ITSN2: variants seen among roughly 807,000 people sequenced by gnomAD.
The protein encoded by ITSN2 is intersectin-2.
ITSN2 carries 156 observed loss-of-function variants against 243.7 expected under a neutral mutation model. The observed-to-expected ratio is 0.64, with a 90% CI of 0.56 to 0.73. ITSN2 has a LOEUF of 0.73. Ranked by LOEUF, ITSN2 falls within the 30% of genes least tolerant of loss-of-function variation. The pLI is 0.00. For missense variants in ITSN2, 1,801 were observed against 1,996.1 expected (o/e 0.90, Z 1.86); for synonymous variants, 703 against 699.9 (o/e 1.00, Z -0.07).
chr2:24,360,900 C>G (rs1688937185), upstream of ITSN2, among the ~76,000 whole-genome samples: 2 of 152,212 alleles, frequency 1.3e-5, no homozygotes, highest in Non-Finnish European at 2.9e-5. Flanking sequence ...CCTGTTGCAC[C>G]CACCACGGGG....
rs1310586984 is a variant in ITSN2, at chr2:24,204,642, GC to G, written c.4763-225del. On this transcript the variant is annotated intron_variant, in intron 38 of 39. Transcript: ENST00000355123. The surrounding 1 kb of genome is among the most constrained non-coding windows in gnomAD (Gnocchi z 5.1). ...CTGGGGAGTGGCCGAGAGCTCCACCGCCAGGACCACTCCGCACGGAACAATC... is the reference window on the plus strand; with the variant it reads ...CTGGGGAGTGGCCGAGAGCTCCACCGCAGGACCACTCCGCACGGAACAATC... 8.1e-5 allele frequency: 52 copies of G among 640,722 alleles called. No individual in the cohort carries two copies. The African/African-American group carries it at 8.4e-4, about 10-fold the overall frequency. 39.7% of individuals were successfully genotyped at this position (640,722 alleles called of 1,614,324 possible).
In ITSN2 at chr2:24,312,127, T is replaced by C. The variant is rs1436966053; in HGVS notation, c.352+85A>G. ...GAATCTGGGGACTGTCATTTTGTGCTAACAAATCCTTTTCTAATACTCAAA... is the reference window on the plus strand; with the variant it reads ...GAATCTGGGGACTGTCATTTTGTGCCAACAAATCCTTTTCTAATACTCAAA... On this transcript the variant is annotated intron_variant, in intron 5 of 39. Transcript: ENST00000355123. 8.8e-6 allele frequency: 10 copies of C among 1,133,008 alleles called. No individual in the cohort carries two copies. In the East Asian group the frequency reaches 2.6e-4, roughly 30 times the overall value. The allele number at this position is 1,133,008 out of a possible 1,614,324, so 70.2% of individuals were successfully genotyped here. A position where few individuals can be genotyped will look rare whatever the true frequency, so the allele number is the denominator to read the frequency against.
At chr2:24,317,574 G>T (rs1370417755) in intron 2 of ITSN2, among the ~76,000 whole-genome samples, 7 of 152,246 alleles carry the variant, frequency 4.6e-5, no homozygotes. Context: ...GACATGGGCA[G>T]AACCTGGATT....
At chr2:24,287,074 C>T (rs1679601018) in intron 15 of ITSN2, among the ~76,000 whole-genome samples, 1 of 152,092 alleles carries the variant, frequency 6.6e-6, no homozygotes, top group Non-Finnish European at 1.5e-5. Context: ...AATTAAAACA[C>T]CTCCATTTCA....
chr2:24,234,167 G>T (rs1390392780), intron 29 of ITSN2, among the ~76,000 whole-genome samples: 1 of 151,308 alleles, frequency 6.6e-6, no homozygotes, highest in Non-Finnish European at 1.5e-5. Flanking sequence ...CCCAGAAATA[G>T]ACCCATATAA....
Position 24,202,980 on chromosome 2 carries a change from A to G in ITSN2, c.*646T>C, listed in dbSNP as rs866151111. On this transcript the variant is annotated 3_prime_UTR_variant, in exon 40 of 40. Coordinates refer to ENST00000355123, the MANE Select transcript of ITSN2 (RefSeq NM_006277.3). ...CAATGAATTTACATAAATAATTTAT[A>G]CTTCAGAAAATTAAAGTTGAAAAAT... The G allele has an allele frequency of 1.3e-5, 2 of 152,656 alleles. No individual in the cohort carries two copies. The highest frequency in any genetic ancestry group is 1.5e-5 in the Non-Finnish European group (1 of 68,042). 9.5% of individuals were successfully genotyped at this position (152,656 alleles called of 1,614,324 possible). A position where few individuals can be genotyped will look rare whatever the true frequency, so the allele number is the denominator to read the frequency against.
chr2:24,283,345 T>A (rs1679065708), intron 17 of ITSN2, among the ~76,000 whole-genome samples: 1 of 152,104 alleles, frequency 6.6e-6, no homozygotes, highest in African/African-American at 2.4e-5. Context: ...CCGTCTCAGC[T>A]TCCTGAGTAG....
chr2:24,203,549 G>GCC lies in ITSN2; in HGVS notation c.*75_*76dup. 1 of 1,451,624 alleles carries GCC rather than the reference G, an allele frequency of 6.9e-7. No individual in the cohort carries two copies. The highest frequency in any genetic ancestry group is 9.3e-7 in the Non-Finnish European group (1 of 1,074,968). The allele number at this position is 1,451,624 out of a possible 1,614,324, so 89.9% of individuals were successfully genotyped here. A position where few individuals can be genotyped will look rare whatever the true frequency, so the allele number is the denominator to read the frequency against. ...GGTGAAGCTGCATGGTGCTCCCTCA[G>GCC]CCCCAAGAGAGCGCAGTCTCTCATT... On this transcript the variant is annotated 3_prime_UTR_variant, in exon 40 of 40. Coordinates refer to ENST00000355123, the MANE Select transcript of ITSN2 (RefSeq NM_006277.3).
In ITSN2 at chr2:24,211,817, T is replaced by A. The variant is rs904889608; in HGVS notation, c.4089+833A>T. Among the ~76,000 whole-genome samples the A allele has an allele frequency of 1.1e-4, 17 of 152,206 alleles. No individual in the cohort carries two copies. The highest frequency in any genetic ancestry group is 4.1e-4 in the African/African-American group (17 of 41,452). On this transcript the variant is annotated intron_variant, in intron 33 of 39. Transcript: ENST00000355123. The surrounding 1 kb of genome is among the most constrained non-coding windows in gnomAD (Gnocchi z 4.1). The stretch of plus-strand genomic sequence containing the variant: ...CTCAGTTGAGGAGTCATATATTATA[T>A]GGTATTTGAGCTACATTCCGAATTC...
At position 24,313,499 on chromosome 2, in the gene ITSN2, A is replaced by G. The variant is rs777533726; in HGVS notation, c.149T>C (p.Leu50Pro). Residue 50 changes from leucine to proline, a missense_variant, in exon 4 of 40, where the codon CTA becomes CCA. Leu to Pro is a moderately conservative substitution (Grantham distance 98). This residue lies in a region of ITSN2 where 77 missense variants were observed against 90.1 expected (regional missense o/e 0.85). Coordinates refer to ENST00000355123, the MANE Select transcript of ITSN2 (RefSeq NM_006277.3). Reference sequence around the variant, plus strand: ...AACAGGGGCCGGCAGACCTGATTGTAGGAAAAAATTACGTGCTTGATCACC... The same window carrying G: ...AACAGGGGCCGGCAGACCTGATTGTGGGAAAAAATTACGTGCTTGATCACC... ...ITGDQARNFF[L>P]QSGLPAPVLA... 1.9e-6 allele frequency: 3 copies of G among 1,613,574 alleles called. No homozygotes were observed. Among genetic ancestry groups the G allele is most frequent in the South Asian group, 1.1e-5 (1 of 90,998 alleles).
Position 24,215,811 on chromosome 2 carries a change from T to TA in ITSN2, c.3990+237dup, listed in dbSNP as rs369946274. ...AAAGTAGCTGATAAGTAAGTATGCT[T>TA]AAAAAAAAACACTCTGCTATCAGAT... On this transcript the variant is annotated intron_variant, in intron 32 of 39. Coordinates refer to ENST00000355123, the MANE Select transcript of ITSN2 (RefSeq NM_006277.3). 2.4e-3 allele frequency among the ~76,000 whole-genome samples: 368 copies of TA among 151,162 alleles called. 1 individual carries two copies. The highest frequency in any genetic ancestry group is 8.3e-3 in the African/African-American group (341 of 41,172).
intron 37 of ITSN2, among the ~76,000 whole-genome samples, chr2:24,207,414 T>C (rs1352434053): frequency 6.6e-6 from 1 of 151,876 alleles, no homozygotes; most frequent in Non-Finnish European, 1.5e-5. Flanking sequence ...AGGCTGGTGG[T>C]CCCTTGGGAA....
Position 24,286,179 on chromosome 2 carries a change from T to A in ITSN2, c.1863+33A>T, listed in dbSNP as rs749855134. ...AAAATAATGAAGGTAAGAAGGCAGTTACCTAAAAATAAATAGTATCAAAAA... is the reference window on the plus strand; with the variant it reads ...AAAATAATGAAGGTAAGAAGGCAGTAACCTAAAAATAAATAGTATCAAAAA... On this transcript the variant is annotated intron_variant, in intron 16 of 39. Coordinates refer to ENST00000355123, the MANE Select transcript of ITSN2 (RefSeq NM_006277.3). 15 of 1,335,158 alleles carry A rather than the reference T, an allele frequency of 1.1e-5. No homozygotes were observed. The Middle Eastern group carries it at 1.3e-3, about 119-fold the overall frequency. The allele number at this position is 1,335,158 out of a possible 1,614,324, so 82.7% of individuals were successfully genotyped here. A position where few individuals can be genotyped will look rare whatever the true frequency, so the allele number is the denominator to read the frequency against.
At position 24,302,243 on chromosome 2, in the gene ITSN2, A is replaced by G. The variant is rs551089942; in HGVS notation, c.858-141T>C. 37 of 388,872 alleles carry G rather than the reference A, an allele frequency of 9.5e-5. No individual in the cohort carries two copies. In the Admixed American group the frequency reaches 1.6e-3, roughly 17 times the overall value. The allele number at this position is 388,872 out of a possible 1,614,324, so 24.1% of individuals were successfully genotyped here. A position where few individuals can be genotyped will look rare whatever the true frequency, so the allele number is the denominator to read the frequency against. Reference sequence around the variant, plus strand: ...AGATGGAGTCTAGCTCTGTCGCTCAACCTGGAGTGCAGTGGCGCGATCTCA... The same window carrying G: ...AGATGGAGTCTAGCTCTGTCGCTCAGCCTGGAGTGCAGTGGCGCGATCTCA... On this transcript the variant is annotated intron_variant, in intron 9 of 39. Coordinates refer to ENST00000355123, the MANE Select transcript of ITSN2 (RefSeq NM_006277.3).
chr2:24,206,649 G>A (rs116344507), intron 37 of ITSN2, among the ~76,000 whole-genome samples: 2,138 of 152,270 alleles, frequency 0.014, 27 homozygotes, highest in Non-Finnish European at 0.023. Context: ...GAACACAGAG[G>A]ACATCACCGG....
rs1300168813 is a variant in ITSN2, at chr2:24,205,231, T to TTTAA, written c.4741_4744dup (p.Lys1582IlefsTer15). ...GTATTTACCATTTGGTTTGCAGGCT[T>TTTAA]TTAATTCTGTAGCTTCAATGACATG... On this transcript the variant is annotated frameshift_variant, in exon 38 of 40. Transcript: ENST00000355123. LOFTEE classifies it high-confidence loss of function. 3.1e-6 allele frequency: 5 copies of TTTAA among 1,613,924 alleles called. No homozygotes were observed. Among genetic ancestry groups the TTTAA allele is most frequent in the Admixed American group, 3.3e-5 (2 of 60,022 alleles).
At chr2:24,337,315 A>AATATATATATATACACATATAT (rs1278959952) in intron 1 of ITSN2, among the ~76,000 whole-genome samples, 3 of 32,020 alleles carry the variant, frequency 9.4e-5, no homozygotes, top group Non-Finnish European at 1.7e-4. Context: ...GTATACACAA[A>AATATATATATATACACATATAT]ATATATATAT....
chr2:24,251,192 G>T (rs867836773), intron 25 of ITSN2, among the ~76,000 whole-genome samples: 1 of 149,132 alleles, frequency 6.7e-6, no homozygotes, highest in African/African-American at 2.5e-5. Flanking sequence ...AGGCATGGTA[G>T]CGGATGGCTG....
At chr2:24,256,263 C>A (rs1023833011) in intron 23 of ITSN2, among the ~76,000 whole-genome samples, 1 of 152,152 alleles carries the variant, frequency 6.6e-6, no homozygotes, top group African/African-American at 2.4e-5. Flanking sequence ...CCATGTCAGG[C>A]TGAAAAGCAA....
Sources: gnomAD v4.1 joint callset for allele counts (sites outside exome capture counted in the v4.1 genomes callset) on GRCh38, gnomAD v4.1.1 for gene constraint, gnomAD v4.1.1 regional missense constraint, Gnocchi (gnomAD v3.1) non-coding constraint, MANE v1.5 for transcripts, NCBI Gene and HGNC (gene_info 2026-07-23, HGNC 2026-07-21) for gene names.